Variants in CAMK1D observed in about 807,000 individuals in gnomAD.
CAMK1D encodes calcium/calmodulin-dependent protein kinase type 1D.
Under a neutral mutation model 47.7 loss-of-function variants are expected in CAMK1D, and 9 were observed. The observed-to-expected ratio is 0.19, with a 90% CI of 0.11 to 0.33. The LOEUF (loss-of-function observed/expected upper bound fraction) is 0.33. Among genes scored for constraint, CAMK1D ranks in the 10% least tolerant of loss-of-function variants. CAMK1D has a pLI of 1.00. For missense variants in CAMK1D, 291 were observed against 488.7 expected (o/e 0.60, Z 3.81); for synonymous variants, 184 against 184.9 (o/e 0.99, Z 0.04).
At chr10:12,488,751 T>G (rs896821176) in intron 1 of CAMK1D, among the ~76,000 whole-genome samples, 1 of 152,054 alleles carries the variant, frequency 6.6e-6, no homozygotes, top group Non-Finnish European at 1.5e-5. Context: ...ATAAGGAGTG[T>G]GGAACCTAGA....
intron 5 of CAMK1D, among the ~76,000 whole-genome samples, chr10:12,790,646 T>A (rs1222306156): frequency 8.3e-6 from 1 of 121,106 alleles, no homozygotes; most frequent in Non-Finnish European, 1.8e-5. Flanking sequence ...CCCCTTCATT[T>A]TTTTTAATTT....
intron 1 of CAMK1D, among the ~76,000 whole-genome samples, chr10:12,366,862 G>A (rs1208563275): frequency 6.6e-6 from 1 of 152,114 alleles, no homozygotes; most frequent in African/African-American, 2.4e-5. Context: ...CATTGGCTGT[G>A]GATATAGGGG....
At chr10:12,462,569 G>A (rs578060751) in intron 1 of CAMK1D, among the ~76,000 whole-genome samples, 1 of 152,048 alleles carries the variant, frequency 6.6e-6, no homozygotes, top group South Asian at 2.1e-4. Flanking sequence ...GACAGTAACA[G>A]GAACAACTAC....
chr10:12,694,926 G>A (rs1459257012), intron 3 of CAMK1D, among the ~76,000 whole-genome samples: 1 of 151,994 alleles, frequency 6.6e-6, no homozygotes, highest in East Asian at 1.9e-4. Flanking sequence ...GGATGTGTAA[G>A]TGTACAATAA....
chr10:12,789,460 C>T (rs1837882215), intron 5 of CAMK1D, among the ~76,000 whole-genome samples: 1 of 152,208 alleles, frequency 6.6e-6, no homozygotes, highest in Admixed American at 6.5e-5. Flanking sequence ...TGATGTGGGA[C>T]AAGTTACTTA....
At chr10:12,412,277 G>A (rs74118783) in intron 1 of CAMK1D, among the ~76,000 whole-genome samples, 1,706 of 152,016 alleles carry the variant, frequency 0.011, 33 homozygotes, top group African/African-American at 0.039. Context: ...CCGTAGCCTG[G>A]CCCAGTGTGC....
At chr10:12,772,604 G>A (rs749556115) in intron 5 of CAMK1D, among the ~76,000 whole-genome samples, 8 of 152,330 alleles carry the variant, frequency 5.3e-5, no homozygotes, top group Non-Finnish European at 1.0e-4. Flanking sequence ...TGCCATCTGC[G>A]GGGTCTGAGT....
chr10:12,719,423 A>G (rs1042351541), intron 3 of CAMK1D, among the ~76,000 whole-genome samples: 64 of 124,892 alleles, frequency 5.1e-4, no homozygotes, highest in African/African-American at 1.6e-3. Context: ...AAAAAAAAAG[A>G]AAAGAAAAAA....
intron 3 of CAMK1D, among the ~76,000 whole-genome samples, chr10:12,714,931 G>A (rs537413325): frequency 7.9e-5 from 12 of 151,994 alleles, no homozygotes; most frequent in Non-Finnish European, 1.8e-4. Flanking sequence ...TCATTACTTC[G>A]AATATTTGTC....
intron 1 of CAMK1D, among the ~76,000 whole-genome samples, chr10:12,364,465 ACTT>A (rs1837775984): frequency 1.3e-5 from 2 of 151,582 alleles, no homozygotes; most frequent in Admixed American, 1.3e-4. Context: ...CTGGTCTTGA[ACTT>A]CTGACCTCAG....
chr10:12,408,200 T>C (rs1839518132), intron 1 of CAMK1D, among the ~76,000 whole-genome samples: 1 of 148,396 alleles, frequency 6.7e-6, no homozygotes, highest in Non-Finnish European at 1.5e-5. Context: ...CTCGGTCTGT[T>C]GCCCAGCCTG....
chr10:12,547,640 C>A lies in CAMK1D; in HGVS notation c.93-5585C>A, dbSNP rs1176539160. On this transcript the variant is annotated intron_variant, in intron 1 of 10. Coordinates refer to ENST00000619168, the MANE Select transcript of CAMK1D (RefSeq NM_153498.4). ...TTTAGTGTTTCCTGTCACGAGGACA[C>A]CCCCCCCCCAACCCTGCACTCTCTC... Among the ~76,000 whole-genome samples, 3 of 13,482 alleles carry A rather than the reference C, an allele frequency of 2.2e-4. No individual in the cohort carries two copies. The South Asian group carries it at 5.4e-3, about 24-fold the overall frequency. 8.8% of individuals were successfully genotyped at this position (13,482 alleles called of 152,430 possible).
intron 1 of CAMK1D, among the ~76,000 whole-genome samples, chr10:12,488,870 G>A (rs1294950003): frequency 3.9e-5 from 6 of 152,160 alleles, no homozygotes; most frequent in Non-Finnish European, 5.9e-5. Flanking sequence ...GATGGGGAGC[G>A]GCTGTAAATA....
intron 2 of CAMK1D, among the ~76,000 whole-genome samples, chr10:12,654,387 G>A (rs985349380): frequency 1.3e-5 from 2 of 152,144 alleles, no homozygotes; most frequent in African/African-American, 2.4e-5. Context: ...GTTTCAAGGC[G>A]GGTAAACACC....
intron 6 of CAMK1D, among the ~76,000 whole-genome samples, chr10:12,801,341 C>CTTATCTATCT (rs749956118): frequency 1.1e-5 from 1 of 95,236 alleles, no homozygotes; most frequent in Admixed American, 1.1e-4. Flanking sequence ...ATCTATCTAT[C>CTTATCTATCT]TATCTATCTA....
chr10:12,458,925 C>T (rs887077000), intron 1 of CAMK1D, among the ~76,000 whole-genome samples: 2 of 142,600 alleles, frequency 1.4e-5, no homozygotes, highest in Non-Finnish European at 3.0e-5. Context: ...GTTGCCCAGG[C>T]TGGAGTGCAG....
At chr10:12,779,178 A>G (rs2130958318) in intron 5 of CAMK1D, among the ~76,000 whole-genome samples, 1 of 152,274 alleles carries the variant, frequency 6.6e-6, no homozygotes, top group South Asian at 2.1e-4. Flanking sequence ...GGCTCTCAAT[A>G]TGGTATTGAC....
intron 1 of CAMK1D, among the ~76,000 whole-genome samples, chr10:12,465,877 C>T (rs915567276): frequency 6.6e-6 from 1 of 152,190 alleles, no homozygotes; most frequent in Non-Finnish European, 1.5e-5. Context: ...CATACTCTCT[C>T]TTTCTCTTTA....
At chr10:12,586,952 T>C (rs1588663321) in intron 2 of CAMK1D, among the ~76,000 whole-genome samples, 1 of 152,098 alleles carries the variant, frequency 6.6e-6, no homozygotes. Flanking sequence ...CTCCTGCTGA[T>C]AAGGACCATG....
Sources: allele counts gnomAD v4.1 joint callset (sites outside exome capture counted in the v4.1 genomes callset), GRCh38; gene constraint gnomAD v4.1.1; transcripts MANE v1.5; gene names NCBI Gene and HGNC (gene_info 2026-07-23, HGNC 2026-07-21).